Variants in DCP2 observed in about 807,000 individuals in gnomAD.
The protein encoded by DCP2 is decapping mRNA 2, also known as m7GpppN-mRNA hydrolase.
In DCP2, 30 loss-of-function variants were observed where a neutral mutation model predicts 56.1. That is an observed-to-expected ratio of 0.53 (90% CI 0.40 to 0.73). The LOEUF is 0.73. Ranked by LOEUF, DCP2 falls within the 30% of genes least tolerant of loss-of-function variation. DCP2 has a pLI of 0.00. For synonymous variants in DCP2, 197 were observed against 163.3 expected, an observed-to-expected ratio of 1.21 and a Z score of -1.57; for missense variants, 533 against 502.7, an observed-to-expected ratio of 1.06 and a Z score of -0.58.
chr5:113,001,124 G>T lies in DCP2; in HGVS notation c.473G>T (p.Cys158Phe). Reference protein sequence around the residue: ...ETGFDIKDYICKDDYIELRIN... With the variant: ...ETGFDIKDYIFKDDYIELRIN... Reference sequence around the variant, plus strand: ...GGTTTTGATATCAAAGACTATATTTGTAAGGATGATTACATTGAACTTCGA... The same window carrying T: ...GGTTTTGATATCAAAGACTATATTTTTAAGGATGATTACATTGAACTTCGA... Residue 158 changes from cysteine to phenylalanine, a missense_variant, in exon 5 of 11, where the codon TGT becomes TTT. Cys to Phe is a radical substitution (Grantham distance 205). This residue lies in a region of DCP2 where 392 missense variants were observed against 346.6 expected (regional missense o/e 1.13). Transcript: ENST00000389063. 6.2e-7 allele frequency: 1 copy of T among 1,613,146 alleles called. No homozygotes were observed. Among genetic ancestry groups the T allele is most frequent in the Non-Finnish European group, 8.5e-7 (1 of 1,179,766 alleles).
At position 112,983,300 on chromosome 5, in the gene DCP2, C is replaced by T. The variant is rs952086046; in HGVS notation, c.54-2535C>T. 3.9e-5 allele frequency among the ~76,000 whole-genome samples: 6 copies of T among 152,294 alleles called. No homozygotes were observed. The South Asian group carries it at 1.2e-3, about 32-fold the overall frequency. On this transcript the variant is annotated intron_variant, in intron 1 of 10. Transcript: ENST00000389063. ...TCCCCTTCCCCACAAGTCCCTAAGG[C>T]AATATTACGGTTGCCTCTGACAGTT...
In DCP2 at chr5:112,985,932, A is replaced by G. The variant is rs1306483681; in HGVS notation, c.151A>G (p.Met51Val). ...LAHWFYLDFY[M>V]QNTPGLPQCG... ...CCATTGGTTTTACTTGGATTTCTAC[A>G]TGCAGAACACACCAGGATTACCTCA... is the stretch of plus-strand genomic sequence containing the variant. Residue 51 changes from methionine (M) to valine (V), a missense_variant, in exon 2 of 11, where the codon ATG (methionine) becomes GTG (valine). By Grantham distance (21) the Met-to-Val change is conservative. Coordinates refer to ENST00000389063, the MANE Select transcript of DCP2 (RefSeq NM_152624.6). 6 of 1,606,280 alleles carry G rather than the reference A, an allele frequency of 3.7e-6. No individual in the cohort carries two copies. The highest frequency in any genetic ancestry group is 5.1e-6 in the Non-Finnish European group (6 of 1,174,032).
intron 9 of DCP2, 47 bp downstream of exon 9, chr5:113,008,089 G>A (rs544323534): frequency 1.3e-6 from 2 of 1,497,594 alleles, no homozygotes; most frequent in African/African-American, 2.8e-5. Flanking sequence ...ATCCTCTGAA[G>A]AGTGAAACAA....
intron 1 of DCP2, among the ~76,000 whole-genome samples, chr5:112,979,399 T>C (rs1258399036): frequency 6.6e-6 from 1 of 152,188 alleles, no homozygotes; most frequent in Non-Finnish European, 1.5e-5. Flanking sequence ...TAAAACTTTT[T>C]TTTTACACTT....
rs532466776 is a variant in DCP2 at position 113,016,505 on chromosome 5, GT to G, written c.*3022del. 3 of 152,166 alleles carry G rather than the reference GT, an allele frequency of 2.0e-5. No homozygotes were observed. The highest frequency in any genetic ancestry group is 2.9e-5 in the Non-Finnish European group (2 of 68,024). 9.4% of individuals were successfully genotyped at this position (152,166 alleles called of 1,614,324 possible). A position where few individuals can be genotyped will look rare whatever the true frequency, so the allele number is the denominator to read the frequency against. On this transcript the variant is annotated 3_prime_UTR_variant, in exon 11 of 11. Transcript: ENST00000389063. ...TAGCTAATGAAGACATATAATGAAAGTAATTTTATGCTGTAAGATTGAATTG... is the reference window on the plus strand; with the variant it reads ...TAGCTAATGAAGACATATAATGAAAGAATTTTATGCTGTAAGATTGAATTG...
At chr5:113,001,855 A>C (rs541860655) in intron 7 of DCP2, among the ~76,000 whole-genome samples, 181 bp downstream of exon 7, 3 of 152,174 alleles carry the variant, frequency 2.0e-5, no homozygotes, top group South Asian at 2.1e-4. Flanking sequence ...AAAAAGGTTA[A>C]TTGGAGTTGG....
chr5:112,989,517 A>G (rs1748477680), intron 2 of DCP2, among the ~76,000 whole-genome samples: 1 of 152,180 alleles, frequency 6.6e-6, no homozygotes, highest in Non-Finnish European at 1.5e-5. Flanking sequence ...GAAAAAAGTT[A>G]CTGTATTTTA....
chr5:112,979,096 G>A (rs1305783849), intron 1 of DCP2, among the ~76,000 whole-genome samples: 1 of 151,422 alleles, frequency 6.6e-6, no homozygotes, highest in African/African-American at 2.4e-5. Context: ...CACCTGTCAA[G>A]TGTTAAAGAT....
At chr5:113,010,448 C>T (rs904531817) in intron 9 of DCP2, among the ~76,000 whole-genome samples, 7 of 151,978 alleles carry the variant, frequency 4.6e-5, no homozygotes, top group South Asian at 2.1e-4. Context: ...TCAAGTGATC[C>T]GTTTGCTTCA....
intron 4 of DCP2, among the ~76,000 whole-genome samples, chr5:113,000,595 C>T (rs1253374020): frequency 6.6e-6 from 1 of 152,122 alleles, no homozygotes; most frequent in Non-Finnish European, 1.5e-5. Flanking sequence ...TAAGCTCTAT[C>T]TCAAGCAGTA....
chr5:112,978,023 G>T (rs1747802255), intron 1 of DCP2, among the ~76,000 whole-genome samples: 1 of 151,962 alleles, frequency 6.6e-6, no homozygotes, highest in Admixed American at 6.6e-5. Context: ...TTTTGCCCAG[G>T]CTGGTGTGCA....
At chr5:112,977,690 A>C (rs988579037) in intron 1 of DCP2, among the ~76,000 whole-genome samples, 1 of 152,154 alleles carries the variant, frequency 6.6e-6, no homozygotes, top group Non-Finnish European at 1.5e-5. Flanking sequence ...AATTTTCTGC[A>C]TTCTTCCCCC....
At chr5:112,996,273 A>T (rs943740909) in intron 4 of DCP2, among the ~76,000 whole-genome samples, 1 of 152,240 alleles carries the variant, frequency 6.6e-6, no homozygotes, top group Non-Finnish European at 1.5e-5. Context: ...GTTGTAAACC[A>T]GATGGTTATT....
In DCP2 at chr5:113,004,046, A is replaced by T; in HGVS notation, c.911A>T (p.His304Leu). 1 of 1,614,130 alleles carries T rather than the reference A, an allele frequency of 6.2e-7. No homozygotes were observed. The highest frequency in any genetic ancestry group is 8.5e-7 in the Non-Finnish European group (1 of 1,179,996). Reference protein sequence around the residue: ...QPLQQKPYNNHSEMSDLLKGK... With the variant: ...QPLQQKPYNNLSEMSDLLKGK... The stretch of plus-strand genomic sequence containing the variant: ...CTGCAGCAAAAGCCATATAATAATC[A>T]TTCTGAAATGTCTGACCTTTTAAAA... The change falls in exon 8 of 11, where the codon CAT (histidine) becomes CTT (leucine). Residue 304 changes from histidine (H) to leucine (L), a missense_variant. By Grantham distance (99) the His-to-Leu change is moderately conservative. Around this residue, in one of 3 missense-constraint regions of DCP2, gnomAD observed 392 missense variants for 346.6 expected, o/e 1.13. Transcript: ENST00000389063.
chr5:112,982,866 G>T (rs1748077177), intron 1 of DCP2, among the ~76,000 whole-genome samples: 1 of 152,168 alleles, frequency 6.6e-6, no homozygotes, highest in Non-Finnish European at 1.5e-5. Context: ...TAGATGGTAG[G>T]TGATTTTTGG....
intron 10 of DCP2, among the ~76,000 whole-genome samples, chr5:113,011,680 A>G (rs1323907782): frequency 6.6e-6 from 1 of 152,214 alleles, no homozygotes; most frequent in Non-Finnish European, 1.5e-5. Flanking sequence ...GTTAACTGTG[A>G]AGAAAGGAAC....
chr5:112,984,490 A>G (rs1399634305), intron 1 of DCP2: 6 of 151,840 alleles, frequency 4.0e-5, no homozygotes, highest in Non-Finnish European at 7.4e-5. Flanking sequence ...ACCAGCCATC[A>G]TTTATCATGG....
At chr5:112,992,622 A>T (rs775850009) in intron 3 of DCP2, 50 bp from the exon 4 acceptor site, 1 of 1,292,448 alleles carries the variant, frequency 7.7e-7, no homozygotes, top group South Asian at 1.3e-5. Context: ...TTTAGAAAGG[A>T]GCATGGAAAA....
At chr5:112,982,166 C>G (rs1406200315) in intron 1 of DCP2, among the ~76,000 whole-genome samples, 1 of 145,074 alleles carries the variant, frequency 6.9e-6, no homozygotes, top group East Asian at 2.0e-4. Context: ...GACTATGATT[C>G]TGTTGTACAT....
Sources: allele counts gnomAD v4.1 joint callset (sites outside exome capture counted in the v4.1 genomes callset), GRCh38; gene constraint gnomAD v4.1.1; regional missense constraint gnomAD v4.1.1; transcripts MANE v1.5; gene names NCBI Gene and HGNC (gene_info 2026-07-23, HGNC 2026-07-21).